The following L3MBTL4 variants were observed in gnomAD, a reference collection of about 807,000 sequenced individuals.
L3MBTL4 encodes L3MBTL histone methyl-lysine binding protein 4.
Under a neutral mutation model 84.5 loss-of-function variants are expected in L3MBTL4, and 70 were observed. The ratio of observed to expected loss-of-function variants is 0.83; its 90% CI spans 0.68 to 1.01. L3MBTL4 has a LOEUF of 1.01. Among genes scored for constraint, L3MBTL4 ranks in the 50% least tolerant of loss-of-function variants. The pLI, the probability that L3MBTL4 is intolerant of heterozygous loss-of-function variation, is 0.00. For missense variants in L3MBTL4, 715 were observed against 754.8 expected (o/e 0.95, Z 0.62); for synonymous variants, 274 against 259.8 (o/e 1.05, Z -0.52).
intron 5 of L3MBTL4, among the ~76,000 whole-genome samples, chr18:6,257,898 G>A (rs533521214): frequency 3.9e-5 from 6 of 152,134 alleles, no homozygotes; most frequent in African/African-American, 1.2e-4. Flanking sequence ...CACCCACCTC[G>A]GCCTCCCAAA....
intron 4 of L3MBTL4, among the ~76,000 whole-genome samples, chr18:6,270,971 C>A (rs182466103): frequency 6.6e-6 from 1 of 152,222 alleles, no homozygotes; most frequent in East Asian, 1.9e-4. Flanking sequence ...ACACAATAGT[C>A]CAAACAAGTG....
chr18:6,050,989 C>T (rs2056819498), intron 16 of L3MBTL4, among the ~76,000 whole-genome samples: 1 of 152,118 alleles, frequency 6.6e-6, no homozygotes, highest in Non-Finnish European at 1.5e-5. Context: ...GCAGCTGCCG[C>T]CAGGTCAGTG....
intron 5 of L3MBTL4, among the ~76,000 whole-genome samples, chr18:6,251,669 T>C (rs2047929280): frequency 1.3e-5 from 2 of 152,188 alleles, no homozygotes; most frequent in Admixed American, 1.3e-4. Flanking sequence ...ATTAAAGACT[T>C]CATAATTTTT....
chr18:5,969,295 C>T lies in L3MBTL4; in HGVS notation c.1614+98G>A, dbSNP rs531227010. ...GATGCGATGCCTAAGAGAAAAAGGGCGCTGTCCCAGACATCAAAGAATGGT... is the reference window on the plus strand; with the variant it reads ...GATGCGATGCCTAAGAGAAAAAGGGTGCTGTCCCAGACATCAAAGAATGGT... On this transcript the variant is annotated intron_variant, in intron 17 of 18. Coordinates refer to ENST00000317931, the MANE Select transcript of L3MBTL4 (RefSeq NM_001330559.2). The T allele has an allele frequency of 5.9e-5, 78 of 1,331,348 alleles. No individual in the cohort carries two copies. The East Asian group carries it at 1.4e-3, about 23-fold the overall frequency. 82.5% of individuals were successfully genotyped at this position (1,331,348 alleles called of 1,614,324 possible). A position where few individuals can be genotyped will look rare whatever the true frequency, so the allele number is the denominator to read the frequency against.
intron 14 of L3MBTL4, among the ~76,000 whole-genome samples, chr18:6,094,185 C>T (rs994388448): frequency 3.9e-5 from 6 of 152,158 alleles, no homozygotes; most frequent in African/African-American, 1.4e-4. Flanking sequence ...AAGGATCTGC[C>T]AGGGCCAATG....
intron 13 of L3MBTL4, among the ~76,000 whole-genome samples, chr18:6,171,496 TA>T (rs1218997884): frequency 6.6e-6 from 1 of 152,174 alleles, no homozygotes; most frequent in Non-Finnish European, 1.5e-5. Flanking sequence ...ATCAGATGTT[TA>T]AAAAAATAAG....
intron 16 of L3MBTL4, 41 bp from the exon 17 acceptor site, chr18:5,969,603 A>G: frequency 6.4e-7 from 1 of 1,557,940 alleles, no homozygotes; most frequent in Non-Finnish European, 8.7e-7. Context: ...AGGCTCCCAG[A>G]GAGCAAGCAC....
intron 14 of L3MBTL4, 35 bp downstream of exon 14, chr18:6,138,159 C>A: frequency 7.1e-7 from 1 of 1,406,150 alleles, no homozygotes; most frequent in South Asian, 1.2e-5. Flanking sequence ...TGTTTCCATT[C>A]ATCCAGGAAA....
intron 16 of L3MBTL4, among the ~76,000 whole-genome samples, chr18:5,999,945 C>T (rs1043583355): frequency 2.0e-5 from 3 of 151,994 alleles, no homozygotes; most frequent in African/African-American, 7.2e-5. Context: ...CCAGAGGAGC[C>T]ATGTTTGCAG....
intron 14 of L3MBTL4, among the ~76,000 whole-genome samples, chr18:6,134,127 AAGTG>A (rs1253883236): frequency 1.3e-5 from 2 of 152,118 alleles, no homozygotes; most frequent in Non-Finnish European, 2.9e-5. Flanking sequence ...GAGCAAGAGA[AAGTG>A]AGGGAGAAAC....
At chr18:6,264,590 C>T (rs2048547283) in intron 4 of L3MBTL4, among the ~76,000 whole-genome samples, 1 of 152,130 alleles carries the variant, frequency 6.6e-6, no homozygotes, top group East Asian at 1.9e-4. Flanking sequence ...TTGAGACCCG[C>T]CTGGCCAATA....
intron 1 of L3MBTL4, among the ~76,000 whole-genome samples, chr18:6,322,445 AGAAGGAAGGATGGAAG>A (rs1308284978): frequency 8.1e-6 from 1 of 123,060 alleles, no homozygotes; most frequent in Non-Finnish European, 1.8e-5. Flanking sequence ...GAGGAAGGAA[AGAAGGAAGGATGGAAG>A]GAAGGAAGGA....
chr18:6,064,899 G>A (rs1022997408), intron 16 of L3MBTL4, among the ~76,000 whole-genome samples: 3 of 151,906 alleles, frequency 2.0e-5, no homozygotes, highest in Admixed American at 1.3e-4. Flanking sequence ...GAATAGAAGC[G>A]GTAAAAGTGG....
intron 12 of L3MBTL4, among the ~76,000 whole-genome samples, chr18:6,182,426 C>T (rs2044517659): frequency 6.6e-6 from 1 of 152,024 alleles, no homozygotes; most frequent in Non-Finnish European, 1.5e-5. Context: ...CTTGTTGATG[C>T]GTTTCTGGAT....
At chr18:6,115,382 A>G (rs564524459) in intron 14 of L3MBTL4, among the ~76,000 whole-genome samples, 1 of 152,336 alleles carries the variant, frequency 6.6e-6, no homozygotes, top group East Asian at 1.9e-4. Context: ...ATTTAGTCAT[A>G]ATCAGAATCT....
intron 10 of L3MBTL4, among the ~76,000 whole-genome samples, chr18:6,222,684 C>T (rs960542199): frequency 4.6e-5 from 7 of 152,048 alleles, no homozygotes; most frequent in South Asian, 2.1e-4. Context: ...GCAATCCTCA[C>T]GTTATATCTT....
At chr18:6,173,849 A>G (rs893819898) in intron 12 of L3MBTL4, among the ~76,000 whole-genome samples, 1 of 152,160 alleles carries the variant, frequency 6.6e-6, no homozygotes, top group African/African-American at 2.4e-5. Context: ...TGGACTGCCC[A>G]TGTACCAGGT....
chr18:6,095,236 G>GGCTC (rs1338964003), intron 14 of L3MBTL4, among the ~76,000 whole-genome samples: 3 of 152,124 alleles, frequency 2.0e-5, no homozygotes, highest in African/African-American at 7.2e-5. Flanking sequence ...TAAGACAACA[G>GGCTC]GCTCACACAG....
intron 16 of L3MBTL4, chr18:6,025,240 G>C (rs1212830883): frequency 6.6e-6 from 1 of 152,136 alleles, no homozygotes; most frequent in African/African-American, 2.4e-5. Flanking sequence ...TGATCGCCCA[G>C]GTAAATGTCA....
Sources: allele counts gnomAD v4.1 joint callset (sites outside exome capture counted in the v4.1 genomes callset), GRCh38; gene constraint gnomAD v4.1.1; transcripts MANE v1.5; gene names NCBI Gene and HGNC (gene_info 2026-07-23, HGNC 2026-07-21).